The following ZNF704 variants were observed in gnomAD, a reference collection of about 807,000 sequenced individuals.
ZNF704 encodes zinc finger protein 704.
Under a neutral mutation model 44.7 loss-of-function variants are expected in ZNF704, and 10 were observed. The observed-to-expected ratio is 0.22, with a 90% CI of 0.14 to 0.38. The LOEUF (loss-of-function observed/expected upper bound fraction) is 0.38. ZNF704 is among the 10% of genes least tolerant of loss of function. ZNF704 has a pLI of 1.00. For synonymous variants in ZNF704, 211 were observed against 207.6 expected, an observed-to-expected ratio of 1.02 and a Z score of -0.14; for missense variants, 390 against 545.5, an observed-to-expected ratio of 0.71 and a Z score of 2.84.
At chr8:80,809,205 C>G (rs1022365545) in intron 2 of ZNF704, among the ~76,000 whole-genome samples, 1 of 152,154 alleles carries the variant, frequency 6.6e-6, no homozygotes, top group African/African-American at 2.4e-5. Context: ...GCAGGAGAAT[C>G]GCTTGAACCT....
At chr8:80,765,108 C>T (rs1042791203) in intron 2 of ZNF704, among the ~76,000 whole-genome samples, 3 of 152,182 alleles carry the variant, frequency 2.0e-5, no homozygotes, top group African/African-American at 7.2e-5. Context: ...GTATAACTCT[C>T]AGTTTTAAGT....
At chr8:80,851,797 C>T (rs931677226) in intron 1 of ZNF704, among the ~76,000 whole-genome samples, 2 of 152,182 alleles carry the variant, frequency 1.3e-5, no homozygotes, top group Non-Finnish European at 2.9e-5. Context: ...CAGTCCATTA[C>T]TGGCCGAAAC....
At chr8:80,777,618 C>T (rs1306759353) in intron 2 of ZNF704, among the ~76,000 whole-genome samples, 1 of 152,110 alleles carries the variant, frequency 6.6e-6, no homozygotes, top group African/African-American at 2.4e-5. Context: ...GTAGCTCACA[C>T]CTGTAATCCC....
intron 2 of ZNF704, among the ~76,000 whole-genome samples, chr8:80,780,012 C>A (rs577133926): frequency 3.9e-4 from 60 of 152,098 alleles, no homozygotes; most frequent in African/African-American, 1.4e-3. Context: ...GGAGGTAGGA[C>A]CTCAGATGGA....
chr8:80,871,965 C>T (rs918657115), intron 1 of ZNF704, among the ~76,000 whole-genome samples: 1 of 152,150 alleles, frequency 6.6e-6, no homozygotes. Context: ...AATTATCACA[C>T]TCATTATTCT....
intron 7 of ZNF704, among the ~76,000 whole-genome samples, chr8:80,659,352 C>A (rs1818062729): frequency 6.6e-6 from 1 of 152,106 alleles, no homozygotes; most frequent in Non-Finnish European, 1.5e-5. Context: ...ATATTTCCAA[C>A]AAGTTGTTTA....
chr8:80,676,587 G>A (rs1013416737), intron 4 of ZNF704, among the ~76,000 whole-genome samples: 1 of 152,212 alleles, frequency 6.6e-6, no homozygotes. Context: ...GGCAGGAAGT[G>A]GGGTCAGAAC....
At chr8:80,704,152 A>G (rs780621983) in intron 2 of ZNF704, among the ~76,000 whole-genome samples, 1 of 152,242 alleles carries the variant, frequency 6.6e-6, no homozygotes, top group Non-Finnish European at 1.5e-5. Context: ...ATTATTAAAT[A>G]ATAAGTTTCA....
In ZNF704 at chr8:80,740,448, A is replaced by G. The variant is rs530702173; in HGVS notation, c.222-47341T>C. 2.6e-5 allele frequency among the ~76,000 whole-genome samples: 4 copies of G among 152,304 alleles called. No individual in the cohort carries two copies. In the South Asian group the frequency reaches 8.3e-4, roughly 32 times the overall value. On this transcript the variant is annotated intron_variant, in intron 2 of 8. Coordinates refer to ENST00000327835, the MANE Select transcript of ZNF704 (RefSeq NM_001033723.3). Reference sequence around the variant, plus strand: ...ACCCTCTTAGACCCAAGGCCCAACAAGGACTCCAAAAAATTGTTAAGGACC... The same window carrying G: ...ACCCTCTTAGACCCAAGGCCCAACAGGGACTCCAAAAAATTGTTAAGGACC...
At chr8:80,677,698 G>C (rs979784913) in intron 4 of ZNF704, among the ~76,000 whole-genome samples, 2 of 152,086 alleles carry the variant, frequency 1.3e-5, no homozygotes, top group East Asian at 3.8e-4. Flanking sequence ...TTTGGGGATA[G>C]ACTATATTCT....
chr8:80,711,473 T>C (rs1818984989), intron 2 of ZNF704, among the ~76,000 whole-genome samples: 1 of 152,232 alleles, frequency 6.6e-6, no homozygotes, highest in South Asian at 2.1e-4. Flanking sequence ...AAAAATTTTG[T>C]ATATTATTTC....
intron 2 of ZNF704, among the ~76,000 whole-genome samples, chr8:80,750,227 A>T (rs1474443024): frequency 6.6e-6 from 1 of 152,050 alleles, no homozygotes; most frequent in Non-Finnish European, 1.5e-5. Flanking sequence ...CTTGTGTGCA[A>T]TTGGGGGCCA....
chr8:80,832,909 C>T (rs1030450016), intron 1 of ZNF704, among the ~76,000 whole-genome samples: 1 of 152,206 alleles, frequency 6.6e-6, no homozygotes, highest in African/African-American at 2.4e-5. Context: ...TAATAAGACA[C>T]ATTACTATTT....
intron 1 of ZNF704, among the ~76,000 whole-genome samples, chr8:80,872,882 A>G (rs1340648863): frequency 6.6e-6 from 1 of 151,898 alleles, no homozygotes; most frequent in African/African-American, 2.4e-5. Flanking sequence ...TTGAGGAGGG[A>G]AAAAAACCTC....
intron 4 of ZNF704, among the ~76,000 whole-genome samples, chr8:80,674,252 G>C (rs1257002851): frequency 6.6e-6 from 1 of 152,120 alleles, no homozygotes; most frequent in East Asian, 1.9e-4. Context: ...CTTCAAACCT[G>C]CTAGGTTCAC....
chr8:80,645,650 C>A (rs1208976794), intron 7 of ZNF704, among the ~76,000 whole-genome samples: 1 of 152,152 alleles, frequency 6.6e-6, no homozygotes, highest in Non-Finnish European at 1.5e-5. Flanking sequence ...GACGTGCCTG[C>A]TCCTGCTTCA....
At chr8:80,805,513 G>A (rs1270400520) in intron 2 of ZNF704, among the ~76,000 whole-genome samples, 1 of 152,130 alleles carries the variant, frequency 6.6e-6, no homozygotes, top group East Asian at 1.9e-4. Context: ...ACTTACCTAA[G>A]AGAAATGTAG....
intron 7 of ZNF704, among the ~76,000 whole-genome samples, chr8:80,651,758 C>T (rs1464544514): frequency 7.9e-5 from 12 of 152,152 alleles, no homozygotes; most frequent in Admixed American, 3.9e-4. Context: ...GACAGATCAA[C>T]GAGACAGAAA....
chr8:80,825,267 G>T (rs947999862), intron 1 of ZNF704, among the ~76,000 whole-genome samples: 2 of 152,064 alleles, frequency 1.3e-5, no homozygotes, highest in African/African-American at 4.8e-5. Flanking sequence ...AAAAGCAGGG[G>T]TTGCAATCCT....
Sources: gnomAD v4.1 joint callset for allele counts (sites outside exome capture counted in the v4.1 genomes callset) on GRCh38, gnomAD v4.1.1 for gene constraint, MANE v1.5 for transcripts, NCBI Gene and HGNC (gene_info 2026-07-23, HGNC 2026-07-21) for gene names.